Variants in CSGALNACT1 observed in about 807,000 individuals in gnomAD.
CSGALNACT1 encodes the protein beta4GalNAcT-1.
Under a neutral mutation model 51.0 loss-of-function variants are expected in CSGALNACT1, and 52 were observed. That is an observed-to-expected ratio of 1.02 (90% CI 0.82 to 1.29). The LOEUF is 1.29. Among genes scored for constraint, CSGALNACT1 ranks in the 50% most tolerant of loss-of-function variants. The probability of loss-of-function intolerance (pLI) is 0.00; values close to 1 mark genes in which losing one functional copy is unlikely to be tolerated. For missense variants in CSGALNACT1, 935 were observed against 679.2 expected, an observed-to-expected ratio of 1.38 and a Z score of -4.19; for synonymous variants, 341 against 254.4, an observed-to-expected ratio of 1.34 and a Z score of -3.24.
At chr8:19,492,978 G>C (rs1295371453) in intron 4 of CSGALNACT1, among the ~76,000 whole-genome samples, 1 of 151,566 alleles carries the variant, frequency 6.6e-6, no homozygotes, top group Non-Finnish European at 1.5e-5. Context: ...TCCATGACAA[G>C]GTTACGATCA....
intron 1 of CSGALNACT1, among the ~76,000 whole-genome samples, chr8:19,629,133 C>A (rs1219485037): frequency 6.6e-6 from 1 of 152,122 alleles, no homozygotes; most frequent in Middle Eastern, 3.2e-3. Context: ...TAATTGCCAC[C>A]TTCTGTAAAG....
chr8:19,742,156 C>G (rs544483071), intron 1 of CSGALNACT1, among the ~76,000 whole-genome samples: 5 of 152,204 alleles, frequency 3.3e-5, no homozygotes, highest in Non-Finnish European at 7.3e-5. Context: ...GCTTGGCACA[C>G]AGTGAGCACA....
chr8:19,462,359 A>G (rs1365022771), intron 4 of CSGALNACT1, among the ~76,000 whole-genome samples: 1 of 152,156 alleles, frequency 6.6e-6, no homozygotes, highest in African/African-American at 2.4e-5. Flanking sequence ...TTTTTTCCCA[A>G]TGAAGTCATT....
chr8:19,578,012 A>T (rs997418879), intron 3 of CSGALNACT1, among the ~76,000 whole-genome samples: 2 of 152,206 alleles, frequency 1.3e-5, no homozygotes, highest in African/African-American at 4.8e-5. Context: ...TGACTGGAGC[A>T]ATGGAAAAAA....
chr8:19,619,256 G>GC (rs1382895994), intron 1 of CSGALNACT1, among the ~76,000 whole-genome samples: 3 of 140,342 alleles, frequency 2.1e-5, no homozygotes, highest in African/African-American at 7.9e-5. Context: ...GTCGGGGGGG[G>GC]GTGGGCCTTG....
At chr8:19,568,994 G>A (rs536901000) in intron 3 of CSGALNACT1, among the ~76,000 whole-genome samples, 37 of 152,200 alleles carry the variant, frequency 2.4e-4, no homozygotes, top group African/African-American at 7.9e-4. Context: ...TCCAGGAGGA[G>A]GTAACATAAA....
At chr8:19,603,520 A>G (rs1312212234), upstream of CSGALNACT1, among the ~76,000 whole-genome samples, 9 of 152,234 alleles carry the variant, frequency 5.9e-5, no homozygotes, top group Admixed American at 2.6e-4. Context: ...AGTTGGCAGC[A>G]ACGCAGCAAT....
chr8:19,588,335 A>G (rs77127010), intron 3 of CSGALNACT1, among the ~76,000 whole-genome samples: 3,694 of 152,332 alleles, frequency 0.024, 163 homozygotes, highest in African/African-American at 0.084. Flanking sequence ...TATCATATTA[A>G]TACTCCTAAT....
At chr8:19,645,853 GCT>G (rs1380182372) in intron 1 of CSGALNACT1, among the ~76,000 whole-genome samples, 1 of 152,038 alleles carries the variant, frequency 6.6e-6, no homozygotes, top group Non-Finnish European at 1.5e-5. Flanking sequence ...GCTGGCCTGG[GCT>G]CTCTCTGTCC....
intron 3 of CSGALNACT1, among the ~76,000 whole-genome samples, chr8:19,553,724 T>C (rs1415413476): frequency 1.3e-5 from 2 of 149,834 alleles, no homozygotes; most frequent in African/African-American, 4.9e-5. Context: ...TGAGGGATTT[T>C]AAATTTCAAT....
chr8:19,675,349 C>G (rs2060097823), intron 1 of CSGALNACT1, among the ~76,000 whole-genome samples: 1 of 152,196 alleles, frequency 6.6e-6, no homozygotes, highest in Admixed American at 6.5e-5. Context: ...GGCCTTGCCC[C>G]AAGGGTGGGC....
chr8:19,671,842 T>G (rs1033268282), intron 1 of CSGALNACT1, among the ~76,000 whole-genome samples: 1 of 152,154 alleles, frequency 6.6e-6, no homozygotes, highest in Non-Finnish European at 1.5e-5. Context: ...TCCCACTTAT[T>G]ATATAATGAG....
At chr8:19,741,536 C>G (rs1196519233) in intron 1 of CSGALNACT1, among the ~76,000 whole-genome samples, 3 of 130,486 alleles carry the variant, frequency 2.3e-5, no homozygotes, top group African/African-American at 8.8e-5. Context: ...GAATTCCAGC[C>G]TGGGCGAAAG....
chr8:19,728,282 C>T (rs2063509854), intron 1 of CSGALNACT1, among the ~76,000 whole-genome samples: 1 of 152,140 alleles, frequency 6.6e-6, no homozygotes, highest in Non-Finnish European at 1.5e-5. Flanking sequence ...GAAGTAGGCT[C>T]ATTTTTCCAC....
intron 1 of CSGALNACT1, among the ~76,000 whole-genome samples, chr8:19,731,079 C>A (rs1057187669): frequency 6.6e-6 from 1 of 152,162 alleles, no homozygotes; most frequent in African/African-American, 2.4e-5. Context: ...TGAGCCTAAA[C>A]AGCTGCTAAA....
At chr8:19,582,438 T>C (rs1269712739) in intron 3 of CSGALNACT1, among the ~76,000 whole-genome samples, 1 of 152,228 alleles carries the variant, frequency 6.6e-6, no homozygotes, top group African/African-American at 2.4e-5. Flanking sequence ...GGTATTTTTA[T>C]TTAAAGAGCC....
At chr8:19,468,487 G>C (rs1445412217) in intron 4 of CSGALNACT1, among the ~76,000 whole-genome samples, 3 of 152,146 alleles carry the variant, frequency 2.0e-5, no homozygotes, top group African/African-American at 4.8e-5. Flanking sequence ...GCATGGGAGA[G>C]GTGAGATCTT....
At chr8:19,694,302 G>C (rs2061477229) in intron 1 of CSGALNACT1, among the ~76,000 whole-genome samples, 1 of 152,156 alleles carries the variant, frequency 6.6e-6, no homozygotes, top group African/African-American at 2.4e-5. Flanking sequence ...CATAAGTGTA[G>C]TAAGTACAGT....
intron 6 of CSGALNACT1, among the ~76,000 whole-genome samples, chr8:19,436,238 T>A (rs901227375): frequency 6.6e-6 from 1 of 152,256 alleles, no homozygotes; most frequent in African/African-American, 2.4e-5. Context: ...CCAAATAACA[T>A]AAATTTCATT....
Sources: gnomAD v4.1 joint callset for allele counts (sites outside exome capture counted in the v4.1 genomes callset) on GRCh38, gnomAD v4.1.1 for gene constraint, MANE v1.5 for transcripts, NCBI Gene and HGNC (gene_info 2026-07-23, HGNC 2026-07-21) for gene names.